Variants in NAP1L1 observed in about 807,000 individuals in gnomAD.
The protein encoded by NAP1L1 is nucleosome assembly protein 1-like 1.
Under a neutral mutation model 58.9 loss-of-function variants are expected in NAP1L1, and 9 were observed. That is an observed-to-expected ratio of 0.15 (90% confidence interval 0.09 to 0.27). The LOEUF is 0.27. Among genes scored for constraint, NAP1L1 ranks in the 10% least tolerant of loss-of-function variants. The probability of loss-of-function intolerance (pLI) is 1.00; values close to 1 mark genes in which losing one functional copy is unlikely to be tolerated. For missense variants in NAP1L1, 302 were observed against 458.8 expected, an observed-to-expected ratio of 0.66 and a Z score of 3.12; for synonymous variants, 130 against 138.3, an observed-to-expected ratio of 0.94 and a Z score of 0.42.
intron 8 of NAP1L1, 127 bp downstream of exon 8, chr12:76,054,892 C>T: frequency 2.0e-6 from 1 of 510,900 alleles, no homozygotes; most frequent in South Asian, 4.0e-5. Context: ...CAATTAGCAG[C>T]ATCCAAATAT....
intron 1 of NAP1L1, among the ~76,000 whole-genome samples, chr12:76,075,150 A>G (rs1014939935): frequency 1.3e-5 from 2 of 152,170 alleles, no homozygotes; most frequent in African/African-American, 4.8e-5. Flanking sequence ...GTTTAGATAG[A>G]ATCCATGTTA....
Position 76,039,750 on chromosome 12 carries a change from T to A in NAP1L1, c.*8679A>T, listed in dbSNP as rs1379473386. ...CATTGTTAAAGTTACTTAACTTCCATCCTTATGCATAAAAAGGGAATTAAT... is the reference window on the plus strand; with the variant it reads ...CATTGTTAAAGTTACTTAACTTCCAACCTTATGCATAAAAAGGGAATTAAT... On this transcript the variant is annotated 3_prime_UTR_variant, in exon 15 of 15. Transcript: ENST00000618691. The A allele has an allele frequency of 1.3e-5, 2 of 152,218 alleles. No individual in the cohort carries two copies. The highest frequency in any genetic ancestry group is 2.9e-5 in the Non-Finnish European group (2 of 68,040). 9.4% of individuals were successfully genotyped at this position (152,218 alleles called of 1,614,324 possible).
At chr12:76,051,912 G>A (rs1385373111) in intron 11 of NAP1L1, among the ~76,000 whole-genome samples, 1 of 152,078 alleles carries the variant, frequency 6.6e-6, no homozygotes, top group African/African-American at 2.4e-5. Context: ...TACTCGGGAG[G>A]CTGAGGCAGG....
At chr12:76,048,961 A>G (rs1014534852) in intron 14 of NAP1L1, 1 of 530,524 alleles carries the variant, frequency 1.9e-6, no homozygotes, top group East Asian at 3.1e-5. Context: ...CCTAGGGTTC[A>G]CTGTACCTGA....
intron 1 of NAP1L1, among the ~76,000 whole-genome samples, chr12:76,084,361 G>A (rs1950530581): frequency 6.6e-6 from 1 of 152,122 alleles, no homozygotes; most frequent in South Asian, 2.1e-4. Flanking sequence ...CGATAAAAGC[G>A]CTGGTCGGCC....
At chr12:76,055,205 G>A (rs927177528) in intron 7 of NAP1L1, 115 bp from the exon 8 acceptor site, 1 of 644,044 alleles carries the variant, frequency 1.6e-6, no homozygotes, top group Non-Finnish European at 2.5e-6. Context: ...GTTTTGTATA[G>A]CAATTATGAA....
rs746496742 is a variant in NAP1L1 at position 76,067,384 on chromosome 12, C to T, written c.193G>A (p.Gly65Arg). ...GAAAAGCTGTACCTTTCAATGTATC[C>T]TGTTGGTGTTTCTACCAGACCATCA... ...RLDGLVETPT[G>R]YIESLPRVVK... The change falls in exon 4 of 15, where the codon GGA becomes AGA. Residue 65 changes from glycine (G) to arginine (R), a missense_variant. By Grantham distance (125) the Gly-to-Arg change is moderately radical. Transcript: ENST00000618691. The T allele has an allele frequency of 6.2e-7, 1 of 1,607,554 alleles. No individual in the cohort carries two copies. The highest frequency in any genetic ancestry group is 8.5e-7 in the Non-Finnish European group (1 of 1,175,858).
At chr12:76,077,993 A>G (rs1416830511) in intron 1 of NAP1L1, among the ~76,000 whole-genome samples, 1 of 150,632 alleles carries the variant, frequency 6.6e-6, no homozygotes, top group Non-Finnish European at 1.5e-5. Context: ...AAAAAAAAAA[A>G]AAAAAAAAGG....
intron 4 of NAP1L1, among the ~76,000 whole-genome samples, chr12:76,062,376 C>CT (rs1949456615): frequency 2.6e-5 from 4 of 152,132 alleles, no homozygotes; most frequent in African/African-American, 4.8e-5. Context: ...CATTTCTCCC[C>CT]AAATATTCAT....
intron 2 of NAP1L1, among the ~76,000 whole-genome samples, chr12:76,073,333 G>A (rs946091658): frequency 3.9e-5 from 6 of 151,926 alleles, no homozygotes; most frequent in Admixed American, 1.3e-4. Context: ...ATTTTAACAC[G>A]GGCTACTGTA....
At chr12:76,057,924 G>C in intron 6 of NAP1L1, 1 of 1,150,536 alleles carries the variant, frequency 8.7e-7, no homozygotes, top group Non-Finnish European at 1.3e-6. Context: ...TATGTGACAA[G>C]GGTTGTGGCC....
rs769490091 is a variant in NAP1L1, at chr12:76,069,000, A to G, written c.18-6T>C. 1.3e-6 allele frequency: 2 copies of G among 1,596,582 alleles called. No homozygotes were observed. Among genetic ancestry groups the G allele is most frequent in the Non-Finnish European group, 8.6e-7 (1 of 1,167,686 alleles). ...CAAGTTCAGACTGTTCTTTGCTATA[A>G]TATCATAGTATCACACCAAGGTTCA... On this transcript the variant is annotated splice_polypyrimidine_tract_variant and splice_region_variant and intron_variant, in intron 2 of 14. Coordinates refer to ENST00000618691, the MANE Select transcript of NAP1L1 (RefSeq NM_004537.7).
intron 6 of NAP1L1, 103 bp from the exon 7 acceptor site, chr12:76,056,264 T>C (rs774058624): frequency 5.0e-6 from 6 of 1,189,846 alleles, no homozygotes; most frequent in Non-Finnish European, 7.0e-6. Flanking sequence ...GATATTACCT[T>C]CAAAGTTCTA....
At chr12:76,081,035 C>A (rs10785229) in intron 1 of NAP1L1, among the ~76,000 whole-genome samples, 8 of 151,728 alleles carry the variant, frequency 5.3e-5, no homozygotes, top group Admixed American at 5.3e-4. Context: ...TGGGTCCCCT[C>A]GATCTTGGAT....
intron 4 of NAP1L1, among the ~76,000 whole-genome samples, chr12:76,063,225 G>A (rs1592656348): frequency 6.6e-6 from 1 of 152,116 alleles, no homozygotes; most frequent in African/African-American, 2.4e-5. Context: ...GGGAAAAATA[G>A]AGGGCCAGAG....
chr12:76,062,382 T>G (rs1949457777), intron 4 of NAP1L1, among the ~76,000 whole-genome samples: 1 of 152,152 alleles, frequency 6.6e-6, no homozygotes, highest in Non-Finnish European at 1.5e-5. Context: ...TCCCCAAATA[T>G]TCATTATTAG....
chr12:76,071,953 T>G (rs889420927), intron 2 of NAP1L1, among the ~76,000 whole-genome samples: 1 of 55,014 alleles, frequency 1.8e-5, no homozygotes, highest in Non-Finnish European at 3.2e-5. Flanking sequence ...TGAATCTGAC[T>G]AGCCCAGAAA....
At position 76,038,838 on chromosome 12, in the gene NAP1L1, A is replaced by G. The variant is rs1195459029; in HGVS notation, c.*9591T>C. 1 of 152,174 alleles carries G rather than the reference A, an allele frequency of 6.6e-6. No individual in the cohort carries two copies. Among genetic ancestry groups the G allele is most frequent in the Non-Finnish European group, 1.5e-5 (1 of 68,038 alleles). 9.4% of individuals were successfully genotyped at this position (152,174 alleles called of 1,614,324 possible). ...AGTAAATCATTGTTGAGTAACAATG[A>G]GCACCCCTTAAACATGTCAGAAACC... is the stretch of plus-strand genomic sequence containing the variant. On this transcript the variant is annotated 3_prime_UTR_variant, in exon 15 of 15. Coordinates refer to ENST00000618691, the MANE Select transcript of NAP1L1 (RefSeq NM_004537.7).
intron 14 of NAP1L1, 117 bp from the exon 15 acceptor site, chr12:76,048,581 T>C (rs1427967081): frequency 3.9e-6 from 4 of 1,015,172 alleles, no homozygotes; most frequent in African/African-American, 3.2e-5. Context: ...AGAAATGGTA[T>C]AGGACAATGG....
Sources: gnomAD v4.1 joint callset for allele counts (sites outside exome capture counted in the v4.1 genomes callset) on GRCh38, gnomAD v4.1.1 for gene constraint, MANE v1.5 for transcripts, NCBI Gene and HGNC (gene_info 2026-07-23, HGNC 2026-07-21) for gene names.